The following WDPCP variants were observed in gnomAD, a reference collection of about 807,000 sequenced individuals.
WDPCP encodes the protein WD repeat containing planar cell polarity effector, also known as WD repeat-containing and planar cell polarity effector protein fritz homolog.
In WDPCP, 71 loss-of-function variants were observed where a neutral mutation model predicts 93.1. The observed-to-expected ratio is 0.76, with a 90% CI of 0.63 to 0.93. The LOEUF (loss-of-function observed/expected upper bound fraction) is 0.93. Among genes scored for constraint, WDPCP ranks in the 40% least tolerant of loss-of-function variants. WDPCP has a pLI of 0.00. For missense variants in WDPCP, 844 were observed against 887.4 expected, an observed-to-expected ratio of 0.95 and a Z score of 0.62; for synonymous variants, 315 against 315.0, an observed-to-expected ratio of 1.00 and a Z score of 0.00.
At chr2:63,140,871 G>A (rs908402154) in intron 17 of WDPCP, among the ~76,000 whole-genome samples, 5 of 152,056 alleles carry the variant, frequency 3.3e-5, no homozygotes, top group Admixed American at 6.6e-5. Context: ...TGGTGACAGC[G>A]GGCATTCTTG....
chr2:63,341,033 T>C lies in WDPCP; in HGVS notation c.1749-27722A>G, dbSNP rs968247167. On this transcript the variant is annotated intron_variant, in intron 12 of 17. Coordinates refer to ENST00000272321, the MANE Select transcript of WDPCP (RefSeq NM_015910.7). ...TTAAGAGTCTTTTGTTTAATTTCAATATATTTCTGAATTTTTCAGTTTCCT... is the reference window on the plus strand; with the variant it reads ...TTAAGAGTCTTTTGTTTAATTTCAACATATTTCTGAATTTTTCAGTTTCCT... Among the ~76,000 whole-genome samples the C allele has an allele frequency of 4.7e-4, 72 of 152,338 alleles. 1 individual carries two copies. The highest frequency in any genetic ancestry group is 7.4e-5 in the Non-Finnish European group (5 of 68,024).
intron 3 of WDPCP, chr2:63,599,193 C>G: frequency 6.2e-7 from 1 of 1,613,700 alleles, no homozygotes; most frequent in South Asian, 1.1e-5. Context: ...GTAATCCAGC[C>G]AATACCAACT....
intron 6 of WDPCP, among the ~76,000 whole-genome samples, chr2:63,464,572 A>G (rs1173432602): frequency 1.3e-5 from 2 of 152,068 alleles, no homozygotes; most frequent in African/African-American, 2.4e-5. Flanking sequence ...TCTTGAAGAG[A>G]TATTTGCACA....
intron 1 of WDPCP, among the ~76,000 whole-genome samples, chr2:63,561,380 AG>A (rs1706606150): frequency 6.6e-6 from 1 of 152,006 alleles, no homozygotes; most frequent in South Asian, 2.1e-4. Flanking sequence ...CGGGAGGCTG[AG>A]GCAGGAGAAT....
chr2:63,435,676 C>A (rs1434110723), intron 8 of WDPCP, among the ~76,000 whole-genome samples: 2 of 152,052 alleles, frequency 1.3e-5, no homozygotes, highest in East Asian at 3.9e-4. Context: ...AGTATTCTGT[C>A]ATGATGACCA....
At chr2:63,331,465 C>T (rs747512601) in intron 12 of WDPCP, among the ~76,000 whole-genome samples, 17 of 152,042 alleles carry the variant, frequency 1.1e-4, no homozygotes, top group African/African-American at 3.4e-4. Context: ...TCTTTCAGTA[C>T]GTACATTCAA....
intron 2 of WDPCP, among the ~76,000 whole-genome samples, chr2:63,745,088 A>G (rs925123840): frequency 1.1e-4 from 17 of 152,286 alleles, no homozygotes; most frequent in Admixed American, 9.8e-4. Flanking sequence ...GTTGTTTAAT[A>G]TATCCATATA....
At chr2:63,436,034 G>A (rs1697115554) in intron 8 of WDPCP, among the ~76,000 whole-genome samples, 1 of 152,062 alleles carries the variant, frequency 6.6e-6, no homozygotes, top group African/African-American at 2.4e-5. Context: ...CTTCAGTTGA[G>A]AAGATTTTAT....
At chr2:63,811,047 T>G (rs1426632407) in intron 2 of WDPCP, among the ~76,000 whole-genome samples, 2 of 152,120 alleles carry the variant, frequency 1.3e-5, no homozygotes, top group Non-Finnish European at 1.5e-5. Flanking sequence ...CATAAACACT[T>G]TGAGTGGTTG....
At chr2:63,201,183 C>A (rs534971477) in intron 14 of WDPCP, among the ~76,000 whole-genome samples, 119 of 152,274 alleles carry the variant, frequency 7.8e-4, no homozygotes, top group African/African-American at 2.8e-3. Flanking sequence ...TCACTCTCTT[C>A]CTCCTGCTCC....
rs367690400 is a variant in WDPCP at position 63,152,926 on chromosome 2, G to A, written c.2178C>T (p.Asp726=). Residue 726 remains aspartate, a synonymous_variant, in exon 17 of 18, where the codon GAC becomes GAT. Coordinates refer to ENST00000272321, the MANE Select transcript of WDPCP (RefSeq NM_015910.7). ...GAAAGTGTTTTACCTGTTCTCTGCCGTCTTCTCTCAGTTCTCCGTCTAAAG... is the reference window on the plus strand; with the variant it reads ...GAAAGTGTTTTACCTGTTCTCTGCCATCTTCTCTCAGTTCTCCGTCTAAAG... ...CNAEDGELRE[D]GREQEIRDGG... The A allele has an allele frequency of 6.1e-5, 99 of 1,611,952 alleles. No individual in the cohort carries two copies. Among genetic ancestry groups the A allele is most frequent in the Admixed American group, 5.7e-4 (34 of 59,966 alleles).
chr2:63,261,702 A>G (rs1681648008), intron 13 of WDPCP, among the ~76,000 whole-genome samples: 1 of 152,148 alleles, frequency 6.6e-6, no homozygotes. Flanking sequence ...ATCAATAAAG[A>G]TTTATGGAAA....
intron 9 of WDPCP, among the ~76,000 whole-genome samples, chr2:63,412,075 A>G (rs1309775312): frequency 6.6e-6 from 1 of 152,142 alleles, no homozygotes; most frequent in Non-Finnish European, 1.5e-5. Context: ...GGACATAACC[A>G]AAAAAGAAAA....
intron 3 of WDPCP, chr2:63,650,565 G>GA (rs1710097808): frequency 6.6e-6 from 1 of 152,124 alleles, no homozygotes; most frequent in Non-Finnish European, 1.5e-5. Flanking sequence ...GGATAAAGAA[G>GA]AAAAAATATG....
intron 3 of WDPCP, among the ~76,000 whole-genome samples, chr2:63,624,795 A>T (rs1709789662): frequency 6.6e-6 from 1 of 152,246 alleles, no homozygotes; most frequent in Non-Finnish European, 1.5e-5. Flanking sequence ...ATTCCAAACA[A>T]TAGAAAAAGA....
chr2:63,129,317 T>C (rs893289436), intron 17 of WDPCP, among the ~76,000 whole-genome samples: 2 of 152,252 alleles, frequency 1.3e-5, no homozygotes, highest in African/African-American at 4.8e-5. Context: ...CTGGATCATA[T>C]AATGGTTTTA....
chr2:63,691,870 C>A (rs1036354093), intron 2 of WDPCP, among the ~76,000 whole-genome samples: 1 of 134,952 alleles, frequency 7.4e-6, no homozygotes, highest in Non-Finnish European at 1.6e-5. Context: ...TTATATACTA[C>A]AAAGTGTGTG....
intron 9 of WDPCP, among the ~76,000 whole-genome samples, chr2:63,416,546 C>T (rs191307009): frequency 0.025 from 1,496 of 60,148 alleles, 15 homozygotes; most frequent in Middle Eastern, 0.044. Context: ...TTTTTTGAGA[C>T]GGAGTCTCGC....
intron 6 of WDPCP, among the ~76,000 whole-genome samples, chr2:63,479,814 C>G (rs1016865933): frequency 6.6e-6 from 1 of 151,968 alleles, no homozygotes; most frequent in Admixed American, 6.6e-5. Flanking sequence ...CCAGCCAGAG[C>G]TGGAACAAGA....
Sources: allele counts gnomAD v4.1 joint callset (sites outside exome capture counted in the v4.1 genomes callset), GRCh38; gene constraint gnomAD v4.1.1; transcripts MANE v1.5; gene names NCBI Gene and HGNC (gene_info 2026-07-23, HGNC 2026-07-21).